Variants in UBASH3B observed in about 807,000 individuals in gnomAD.
The protein encoded by UBASH3B is ubiquitin associated and SH3 domain containing B.
UBASH3B carries 37 observed loss-of-function variants against 83.4 expected under a neutral mutation model. The observed-to-expected ratio is 0.44, with a 90% CI of 0.34 to 0.58. UBASH3B has a LOEUF of 0.58. UBASH3B is among the 20% of genes least tolerant of loss of function. The pLI is 0.01. For synonymous variants in UBASH3B, 304 were observed against 318.3 expected, an observed-to-expected ratio of 0.96 and a Z score of 0.48; for missense variants, 657 against 827.2, an observed-to-expected ratio of 0.79 and a Z score of 2.52.
At chr11:122,730,208 C>T (rs1028445602) in intron 1 of UBASH3B, among the ~76,000 whole-genome samples, 1 of 152,066 alleles carries the variant, frequency 6.6e-6, no homozygotes, top group African/African-American at 2.4e-5. Flanking sequence ...ATTGCCTGAA[C>T]CCAGGAGGTG....
intron 1 of UBASH3B, among the ~76,000 whole-genome samples, chr11:122,668,290 G>A (rs144694128): frequency 7.2e-4 from 110 of 152,302 alleles, no homozygotes; most frequent in African/African-American, 2.4e-3. Flanking sequence ...GCGTGGCCGA[G>A]TCAGCTTTCT....
chr11:122,771,022 G>A (rs941337164), intron 1 of UBASH3B, among the ~76,000 whole-genome samples: 2 of 152,148 alleles, frequency 1.3e-5, no homozygotes, highest in Non-Finnish European at 2.9e-5. Flanking sequence ...AGGCCTTTGC[G>A]AGTGATCTCC....
At position 122,751,056 on chromosome 11, in the gene UBASH3B, G is replaced by A. The variant is rs1013932140; in HGVS notation, c.162-25163G>A. Among the ~76,000 whole-genome samples the A allele has an allele frequency of 4.6e-5, 7 of 152,154 alleles. No homozygotes were observed. In the South Asian group the frequency reaches 6.2e-4, roughly 14 times the overall value. ...GACGGATGTGTACCTGCAGGTAGGC[G>A]GAAAGAACCGTACCACGCGCCTGGG... is the stretch of plus-strand genomic sequence containing the variant. On this transcript the variant is annotated intron_variant, in intron 1 of 13. Coordinates refer to ENST00000284273, the MANE Select transcript of UBASH3B (RefSeq NM_032873.5).
At chr11:122,680,012 G>C (rs1313434938) in intron 1 of UBASH3B, among the ~76,000 whole-genome samples, 2 of 152,090 alleles carry the variant, frequency 1.3e-5, no homozygotes, top group Non-Finnish European at 2.9e-5. Flanking sequence ...TGTATTTTTA[G>C]TAGAGATGGG....
chr11:122,800,324 G>C (rs1394039472), intron 10 of UBASH3B, among the ~76,000 whole-genome samples: 2 of 150,292 alleles, frequency 1.3e-5, no homozygotes, highest in Admixed American at 1.3e-4. Context: ...CGGTTCACGA[G>C]GTCAGGAGAT....
chr11:122,736,960 G>A (rs1860943279), intron 1 of UBASH3B, among the ~76,000 whole-genome samples: 1 of 152,176 alleles, frequency 6.6e-6, no homozygotes, highest in Admixed American at 6.5e-5. Flanking sequence ...GAAGATTTAA[G>A]CTAAGATTGA....
At chr11:122,787,640 C>T (rs1328796330) in intron 5 of UBASH3B, among the ~76,000 whole-genome samples, 2 of 152,152 alleles carry the variant, frequency 1.3e-5, no homozygotes, top group African/African-American at 2.4e-5. Context: ...GGATCAGGGT[C>T]GGCTGGAAGG....
intron 1 of UBASH3B, among the ~76,000 whole-genome samples, chr11:122,680,947 GT>G (rs1863730392): frequency 6.6e-6 from 1 of 152,174 alleles, no homozygotes; most frequent in Non-Finnish European, 1.5e-5. Flanking sequence ...CCAAAATGCT[GT>G]GAGCAGCCGG....
intron 1 of UBASH3B, among the ~76,000 whole-genome samples, chr11:122,735,556 A>G (rs1860918008): frequency 6.6e-6 from 1 of 152,178 alleles, no homozygotes; most frequent in Admixed American, 6.5e-5. Flanking sequence ...AGAAAAAGAC[A>G]TTGCCCTGTC....
At chr11:122,776,974 C>A in intron 2 of UBASH3B, 50 bp from the exon 3 acceptor site, 1 of 1,495,296 alleles carries the variant, frequency 6.7e-7, no homozygotes, top group Admixed American at 2.1e-5. Context: ...TCTTTTTTCC[C>A]CTCCCATTAT....
chr11:122,722,067 C>A lies in UBASH3B; in HGVS notation c.162-54152C>A, dbSNP rs61913163. 5.9e-3 allele frequency among the ~76,000 whole-genome samples: 898 copies of A among 152,296 alleles called. 6 individuals carry two copies. The highest frequency in any genetic ancestry group is 0.01 in the Middle Eastern group (3 of 294). Reference sequence around the variant, plus strand: ...GACATCACATGGTATTTGCCCTCTCCCAGGGCCCTGCAACCTTTTGCATCT... The same window carrying A: ...GACATCACATGGTATTTGCCCTCTCACAGGGCCCTGCAACCTTTTGCATCT... On this transcript the variant is annotated intron_variant, in intron 1 of 13. Coordinates refer to ENST00000284273, the MANE Select transcript of UBASH3B (RefSeq NM_032873.5).
At chr11:122,768,545 G>A (rs1045504458) in intron 1 of UBASH3B, among the ~76,000 whole-genome samples, 6 of 145,160 alleles carry the variant, frequency 4.1e-5, no homozygotes, top group Non-Finnish European at 7.5e-5. Context: ...TCACTCTATC[G>A]CCCACGCTGG....
Position 122,810,136 on chromosome 11 carries a change from G to A in UBASH3B, c.*250G>A, listed in dbSNP as rs1012348355. On this transcript the variant is annotated 3_prime_UTR_variant, in exon 14 of 14. Coordinates refer to ENST00000284273, the MANE Select transcript of UBASH3B (RefSeq NM_032873.5). Reference sequence around the variant, plus strand: ...CTTTGGAGAATTGTCTTCCTAAATCGGGGCACCTGCTACAGAAGAGAATGT... The same window carrying A: ...CTTTGGAGAATTGTCTTCCTAAATCAGGGCACCTGCTACAGAAGAGAATGT... 2.6e-5 allele frequency: 11 copies of A among 424,492 alleles called. No individual in the cohort carries two copies. The highest frequency in any genetic ancestry group is 1.6e-4 in the African/African-American group (8 of 49,760). 26.3% of individuals were successfully genotyped at this position (424,492 alleles called of 1,614,324 possible). A position where few individuals can be genotyped will look rare whatever the true frequency, so the allele number is the denominator to read the frequency against.
rs150779381 is a variant in UBASH3B at position 122,775,478 on chromosome 11, C to T, written c.162-741C>T. 5.8e-3 allele frequency among the ~76,000 whole-genome samples: 878 copies of T among 152,308 alleles called. 8 individuals are homozygous for T. The highest frequency in any genetic ancestry group is 0.02 in the African/African-American group (828 of 41,570). ...AATACTTGGAGATTATGGATCCAGC[C>T]TGGTGGTGGTTGGAAGTGGGTAGAG... is the stretch of plus-strand genomic sequence containing the variant. On this transcript the variant is annotated intron_variant, in intron 1 of 13. Transcript: ENST00000284273.
chr11:122,737,167 G>T (rs1205657380), intron 1 of UBASH3B, among the ~76,000 whole-genome samples: 1 of 152,156 alleles, frequency 6.6e-6, no homozygotes, highest in African/African-American at 2.4e-5. Context: ...GCCATGTTAA[G>T]GTTCTGGAAC....
rs554731733 is a variant in UBASH3B, at chr11:122,766,934, G to A, written c.162-9285G>A. 2.2e-4 allele frequency among the ~76,000 whole-genome samples: 33 copies of A among 152,330 alleles called. No individual in the cohort carries two copies. The East Asian group carries it at 6.2e-3, about 29-fold the overall frequency. ...TTCCCCCGAGTAGTCCTGCTGACAG[G>A]AGTCTGGGGGAGACTCAGCTGTGGG... On this transcript the variant is annotated intron_variant, in intron 1 of 13. Coordinates refer to ENST00000284273, the MANE Select transcript of UBASH3B (RefSeq NM_032873.5).
intron 1 of UBASH3B, among the ~76,000 whole-genome samples, chr11:122,707,917 A>C (rs963733983): frequency 6.6e-6 from 1 of 151,902 alleles, no homozygotes; most frequent in African/African-American, 2.4e-5. Flanking sequence ...CTGGTCTCGA[A>C]CTCCTGACCT....
chr11:122,694,117 C>A (rs1863931614), intron 1 of UBASH3B, among the ~76,000 whole-genome samples: 1 of 152,076 alleles, frequency 6.6e-6, no homozygotes, highest in Admixed American at 6.6e-5. Flanking sequence ...ACATAATGAA[C>A]AATTTTTCTT....
At chr11:122,754,920 C>T (rs541900562) in intron 1 of UBASH3B, among the ~76,000 whole-genome samples, 2 of 152,230 alleles carry the variant, frequency 1.3e-5, no homozygotes, top group South Asian at 4.1e-4. Context: ...ACCACCAGCT[C>T]GGTCCTCCTC....
Sources: gnomAD v4.1 joint callset for allele counts (sites outside exome capture counted in the v4.1 genomes callset) on GRCh38, gnomAD v4.1.1 for gene constraint, MANE v1.5 for transcripts, NCBI Gene and HGNC (gene_info 2026-07-23, HGNC 2026-07-21) for gene names.